UST: variants seen among roughly 807,000 people sequenced by gnomAD.
The protein encoded by UST is uronyl 2-sulfotransferase, also known as chondroitin sulfate 2-O-sulfotransferase.
UST carries 21 observed loss-of-function variants against 45.6 expected under a neutral mutation model. The observed-to-expected ratio is 0.46, with a 90% CI of 0.33 to 0.66. The LOEUF (loss-of-function observed/expected upper bound fraction) is 0.66, where lower values mean the gene tolerates loss of function less well. Among genes scored for constraint, UST ranks in the 30% least tolerant of loss-of-function variants. UST has a pLI of 0.02. For missense variants in UST, 463 were observed against 512.4 expected (o/e 0.90, Z 0.93); for synonymous variants, 215 against 200.6 (o/e 1.07, Z -0.61).
intron 1 of UST, among the ~76,000 whole-genome samples, chr6:148,761,172 C>T (rs1776210607): frequency 6.6e-6 from 1 of 152,220 alleles, no homozygotes; most frequent in African/African-American, 2.4e-5. Flanking sequence ...TTCAGCTCCT[C>T]CAAGCACGTG....
At chr6:148,920,284 C>G (rs1779674696) in intron 2 of UST, among the ~76,000 whole-genome samples, 1 of 144,872 alleles carries the variant, frequency 6.9e-6, no homozygotes. Context: ...AGCTGTTGAC[C>G]TTTAGAGGAC....
intron 1 of UST, among the ~76,000 whole-genome samples, chr6:148,793,967 G>T (rs780016893): frequency 2.7e-4 from 41 of 152,214 alleles, no homozygotes; most frequent in Non-Finnish European, 4.1e-4. Context: ...TAACATCAGC[G>T]CATATTTCTG....
chr6:148,964,069 C>G (rs1780725653), intron 4 of UST, among the ~76,000 whole-genome samples: 1 of 152,220 alleles, frequency 6.6e-6, no homozygotes, highest in South Asian at 2.1e-4. Context: ...AAATCCAATA[C>G]AGAGTGGCCC....
At chr6:149,064,877 C>T (rs1027475199) in intron 7 of UST, among the ~76,000 whole-genome samples, 5 of 138,278 alleles carry the variant, frequency 3.6e-5, no homozygotes, top group Non-Finnish European at 6.2e-5. Context: ...AGCCTTACAA[C>T]AACTGAATCC....
At chr6:149,009,477 T>C (rs1056526178) in intron 5 of UST, among the ~76,000 whole-genome samples, 1 of 151,794 alleles carries the variant, frequency 6.6e-6, no homozygotes, top group African/African-American at 2.4e-5. Flanking sequence ...TTCAGCACAA[T>C]GCTAGGTCTA....
Position 149,074,032 on chromosome 6 carries a change from C to A in UST, c.1137C>A (p.Ile379=). ...CCCCCCTGAGGCCACACTTCTTTAT[C>A]CCAACTCCACTGGAAACCGAGGAGC... ...SKPPLRPHFF[I]PTPLETEEPI... is the part of the protein sequence containing the mutation. Residue 379 remains isoleucine, a synonymous_variant, in exon 8 of 8, where the codon ATC becomes ATA. Transcript: ENST00000367463. The A allele has an allele frequency of 6.2e-7, 1 of 1,614,210 alleles. No homozygotes were observed. The highest frequency in any genetic ancestry group is 1.1e-5 in the South Asian group (1 of 91,082).
chr6:148,750,584 G>A (rs1775971742), intron 1 of UST, among the ~76,000 whole-genome samples: 4 of 152,204 alleles, frequency 2.6e-5, no homozygotes, highest in South Asian at 4.1e-4. Context: ...ACTATGGGCA[G>A]TTTAAGGGAG....
intron 1 of UST, 94 bp downstream of exon 1, chr6:148,747,771 G>T: frequency 1.3e-5 from 19 of 1,411,084 alleles, no homozygotes; most frequent in Non-Finnish European, 1.8e-5. Context: ...CGCTGCCACC[G>T]CGCGCCGCCG....
At chr6:148,873,942 T>A (rs540764378) in intron 1 of UST, among the ~76,000 whole-genome samples, 1 of 152,366 alleles carries the variant, frequency 6.6e-6, no homozygotes, top group African/African-American at 2.4e-5. Flanking sequence ...CTTCGTGCAA[T>A]AAGCACATGA....
At chr6:148,773,737 G>A (rs1452957675) in intron 1 of UST, among the ~76,000 whole-genome samples, 1 of 152,210 alleles carries the variant, frequency 6.6e-6, no homozygotes, top group Non-Finnish European at 1.5e-5. Context: ...AGATGTCAGA[G>A]TGAAGGTGTG....
rs1019536018 is a variant in UST at position 148,790,104 on chromosome 6, TATCCTTGCAGCGGTGTC to T, written c.247+42429_247+42445del. ...AATGCATTCGCATTGCTATCGTAGT[TATCCTTGCAGCGGTGTC>T]AGACTTTAGCTGCTTCCTGTAGCTC... On this transcript the variant is annotated intron_variant, in intron 1 of 7. Transcript: ENST00000367463. The surrounding 1 kb of genome is among the most constrained non-coding windows in gnomAD (Gnocchi z 4.2). Among the ~76,000 whole-genome samples the T allele has an allele frequency of 6.6e-6, 1 of 152,098 alleles. No homozygotes were observed. Among genetic ancestry groups the T allele is most frequent in the African/African-American group, 2.4e-5 (1 of 41,396 alleles).
intron 1 of UST, among the ~76,000 whole-genome samples, chr6:148,866,450 G>T (rs1026880891): frequency 6.6e-6 from 1 of 151,958 alleles, no homozygotes; most frequent in South Asian, 2.1e-4. Flanking sequence ...GAAATTTTTT[G>T]ACCCCTTGAG....
chr6:148,967,250 T>TC, intron 5 of UST, among the ~76,000 whole-genome samples: 1 of 151,612 alleles, frequency 6.6e-6, no homozygotes, highest in Non-Finnish European at 1.5e-5. Context: ...TCAGATGAGG[T>TC]CATCAGATCG....
intron 1 of UST, among the ~76,000 whole-genome samples, chr6:148,786,831 A>T (rs561883199): frequency 6.6e-6 from 1 of 152,158 alleles, no homozygotes; most frequent in African/African-American, 2.4e-5. Flanking sequence ...TCCACAACCA[A>T]CAGTGTAAAA....
rs112775475 is a variant in UST at position 148,954,067 on chromosome 6, C to T, written c.527+116C>T. On this transcript the variant is annotated intron_variant, in intron 4 of 7. Transcript: ENST00000367463. ...TGCCCTTGAAAAGACATTTTTAATC[C>T]GTTTATTTTTGCTACGGAGGGATCA... 164 of 721,026 alleles carry T rather than the reference C, an allele frequency of 2.3e-4. 1 individual carries two copies. In the African/African-American group the frequency reaches 2.5e-3, roughly 11 times the overall value. The allele number at this position is 721,026 out of a possible 1,614,324, so 44.7% of individuals were successfully genotyped here. A position where few individuals can be genotyped will look rare whatever the true frequency, so the allele number is the denominator to read the frequency against.
At chr6:148,856,156 A>G (rs1778200183) in intron 1 of UST, among the ~76,000 whole-genome samples, 1 of 152,096 alleles carries the variant, frequency 6.6e-6, no homozygotes, top group South Asian at 2.1e-4. Context: ...AGCTGGGATT[A>G]CAGGTGCGTG....
At chr6:148,879,564 A>G (rs1778785020) in intron 1 of UST, among the ~76,000 whole-genome samples, 1 of 152,220 alleles carries the variant, frequency 6.6e-6, no homozygotes. Context: ...CCTGACAGCA[A>G]CATTTCTTAA....
chr6:148,849,506 C>A (rs1261498063), intron 1 of UST, among the ~76,000 whole-genome samples: 1 of 152,092 alleles, frequency 6.6e-6, no homozygotes, highest in Non-Finnish European at 1.5e-5. Flanking sequence ...CTGTATTAGT[C>A]CGTTCTCACA....
At chr6:148,898,508 T>C (rs1305824636) in intron 2 of UST, among the ~76,000 whole-genome samples, 1 of 152,186 alleles carries the variant, frequency 6.6e-6, no homozygotes, top group Admixed American at 6.5e-5. Context: ...TGTGGAAGTG[T>C]TTGGCCCAGC....
Sources: gnomAD v4.1 joint callset for allele counts (sites outside exome capture counted in the v4.1 genomes callset) on GRCh38, gnomAD v4.1.1 for gene constraint, Gnocchi (gnomAD v3.1) non-coding constraint, MANE v1.5 for transcripts, NCBI Gene and HGNC (gene_info 2026-07-23, HGNC 2026-07-21) for gene names.